Variants in EXOSC8 observed in about 807,000 individuals in gnomAD.
EXOSC8 encodes the protein exosome complex component RRP43.
A neutral mutation model predicts 39.9 loss-of-function variants in EXOSC8; 37 were observed. The ratio of observed to expected loss-of-function variants is 0.93; its 90% CI spans 0.71 to 1.22. The LOEUF (loss-of-function observed/expected upper bound fraction) is 1.22, where lower values mean the gene tolerates loss of function less well. Among genes scored for constraint, EXOSC8 ranks in the 50% most tolerant of loss-of-function variants. EXOSC8 has a pLI of 0.00. For synonymous variants in EXOSC8, 93 were observed against 109.5 expected, an observed-to-expected ratio of 0.85 and a Z score of 0.94; for missense variants, 313 against 326.6, an observed-to-expected ratio of 0.96 and a Z score of 0.32.
chr13:37,004,671 A>C, intron 5 of EXOSC8, 110 bp downstream of exon 5: 1 of 675,394 alleles, frequency 1.5e-6, no homozygotes, highest in Non-Finnish European at 2.5e-6. Context: ...TAATATTCGG[A>C]AATATTTATG....
chr13:37,002,363 G>C, intron 2 of EXOSC8, 54 bp downstream of exon 2: 1 of 1,489,186 alleles, frequency 6.7e-7, no homozygotes, highest in South Asian at 1.2e-5. Flanking sequence ...TGCTTTTAAA[G>C]ATGAATTTCA....
At chr13:37,003,031 A>G (rs1371070690) in intron 4 of EXOSC8, 24 bp downstream of exon 4, 15 of 1,361,192 alleles carry the variant, frequency 1.1e-5, no homozygotes, top group Admixed American at 1.7e-5. Flanking sequence ...TGTCCTATTG[A>G]GATTTGAGTT....
At chr13:37,005,862 C>CAAA (rs59234766) in intron 5 of EXOSC8, 58 bp from the exon 6 acceptor site, 4,892 of 293,350 alleles carry the variant, frequency 0.017, 5 homozygotes, top group South Asian at 0.022. Flanking sequence ...GACTCCATCT[C>CAAA]AAAAAAAAAA....
chr13:37,006,207 T>G, intron 7 of EXOSC8, 47 bp downstream of exon 7: 1 of 968,500 alleles, frequency 1.0e-6, no homozygotes, highest in Non-Finnish European at 1.5e-6. Context: ...TCTGAAGGGA[T>G]TTTTTTTTTG....
intron 9 of EXOSC8, 141 bp from the exon 10 acceptor site, chr13:37,008,588 C>G: frequency 3.3e-6 from 2 of 605,958 alleles, no homozygotes; most frequent in South Asian, 4.0e-5. Flanking sequence ...AACCCTGTCT[C>G]TACTAAAAAC....
At chr13:37,007,165 C>G in intron 8 of EXOSC8, 94 bp downstream of exon 8, 1 of 782,998 alleles carries the variant, frequency 1.3e-6, no homozygotes, top group Non-Finnish European at 2.3e-6. Context: ...CGTATGCTTC[C>G]AAATTAATGA....
chr13:37,009,441 A>T lies in EXOSC8; in HGVS notation c.*142A>T. ...TTCTTAGGTCACTTCCATATATATT[A>T]TGTATAGTGAAACCATTTTTAAAAA... On this transcript the variant is annotated 3_prime_UTR_variant, in exon 11 of 11. Coordinates refer to ENST00000389704, the MANE Select transcript of EXOSC8 (RefSeq NM_181503.3). 1 of 723,762 alleles carries T rather than the reference A, an allele frequency of 1.4e-6. No homozygotes were observed. Among genetic ancestry groups the T allele is most frequent in the South Asian group, 1.9e-5 (1 of 52,152 alleles). 44.8% of individuals were successfully genotyped at this position (723,762 alleles called of 1,614,324 possible). A position where few individuals can be genotyped will look rare whatever the true frequency, so the allele number is the denominator to read the frequency against.
Position 37,002,440 on chromosome 13 carries a change from A to C in EXOSC8, c.55-48A>C, listed in dbSNP as rs555869080. The C allele has an allele frequency of 7.3e-6, 10 of 1,361,476 alleles. No individual in the cohort carries two copies. In the South Asian group the frequency reaches 1.3e-4, roughly 17 times the overall value. 84.3% of individuals were successfully genotyped at this position (1,361,476 alleles called of 1,614,324 possible). On this transcript the variant is annotated intron_variant, in intron 2 of 10. Transcript: ENST00000389704. ...GTGTAAAACTTGTGATAGATGTGTA[A>C]AATATGTAATAGGTATAATCTATTT...
In EXOSC8 at chr13:37,003,007, A is replaced by C. The variant is rs1168300446; in HGVS notation, c.192A>C (p.Ala64=). 1 of 1,571,688 alleles carries C rather than the reference A, an allele frequency of 6.4e-7. No homozygotes were observed. Among genetic ancestry groups the C allele is most frequent in the East Asian group, 2.2e-5 (1 of 44,576 alleles). ...CTACAGTAATCTGTGGAGTTAAAGC[A>C]GTAAGTCTAAATATGTCCTATTGAG... is the stretch of plus-strand genomic sequence containing the variant. The part of the protein sequence containing the change: ...GNTTVICGVK[A]EFAAPSTDAP... Residue 64 remains alanine, a splice_region_variant and synonymous_variant, in exon 4 of 11, where the codon GCA becomes GCC. Transcript: ENST00000389704.
intron 3 of EXOSC8, 23 bp downstream of exon 3, chr13:37,002,574 C>T: frequency 6.6e-7 from 1 of 1,504,726 alleles, no homozygotes; most frequent in Non-Finnish European, 9.1e-7. Context: ...TTTCCACTTT[C>T]AACTGTATGA....
At chr13:37,001,009 A>C (rs1452244935) in intron 1 of EXOSC8, among the ~76,000 whole-genome samples, 187 bp downstream of exon 1, 1 of 152,220 alleles carries the variant, frequency 6.6e-6, no homozygotes, top group Non-Finnish European at 1.5e-5. Flanking sequence ...CTTCTTCCTC[A>C]GTGAGACGGG....
At chr13:37,003,092 C>T in intron 4 of EXOSC8, 85 bp downstream of exon 4, 1 of 817,938 alleles carries the variant, frequency 1.2e-6, no homozygotes, top group South Asian at 1.5e-5. Flanking sequence ...TAATTCTACT[C>T]TTGATTTGGT....
intron 1 of EXOSC8, among the ~76,000 whole-genome samples, chr13:37,001,244 A>G (rs2059101810): frequency 6.6e-6 from 1 of 152,128 alleles, no homozygotes; most frequent in Admixed American, 6.5e-5. Flanking sequence ...CACTGTCTCT[A>G]ATAAAAATAT....
chr13:37,008,743 T>G lies in EXOSC8; in HGVS notation c.623T>G (p.Val208Gly). Residue 208 changes from valine to glycine, a missense_variant, in exon 10 of 11, where the codon GTT becomes GGT. By Grantham distance (109) the Val-to-Gly change is moderately radical. Coordinates refer to ENST00000389704, the MANE Select transcript of EXOSC8 (RefSeq NM_181503.3). ...TCTTTTTATAGCACTTTGCTTATAGTTGACCCTACTGGAGAGGAGGAACAT... is the reference window on the plus strand; with the variant it reads ...TCTTTTTATAGCACTTTGCTTATAGGTGACCCTACTGGAGAGGAGGAACAT... ...FAVFDDTLLIVDPTGEEEHLA... is the reference protein window; with the variant it reads ...FAVFDDTLLIGDPTGEEEHLA... 2 of 1,609,354 alleles carry G rather than the reference T, an allele frequency of 1.2e-6. No individual in the cohort carries two copies. Among genetic ancestry groups the G allele is most frequent in the Non-Finnish European group, 1.7e-6 (2 of 1,175,954 alleles).
chr13:37,003,618 T>G (rs1436105692), intron 4 of EXOSC8: 1 of 146,620 alleles, frequency 6.8e-6, no homozygotes, highest in Non-Finnish European at 1.5e-5. Context: ...TCAGTTGAGA[T>G]TCTTCTTTCG....
At chr13:37,002,668 CAA>C (rs1860837751) in intron 3 of EXOSC8, 117 bp downstream of exon 3, 3 of 772,566 alleles carry the variant, frequency 3.9e-6, no homozygotes, top group Non-Finnish European at 6.3e-6. Context: ...TTTTTTTTGT[CAA>C]GAGATTTTTA....
rs1233481288 is a variant in EXOSC8, at chr13:37,008,844, C to T, written c.715+9C>T. 4 of 1,547,414 alleles carry T rather than the reference C, an allele frequency of 2.6e-6. No individual in the cohort carries two copies. In the South Asian group the frequency reaches 4.5e-5, roughly 17 times the overall value. On this transcript the variant is annotated intron_variant, in intron 10 of 10. Coordinates refer to ENST00000389704, the MANE Select transcript of EXOSC8 (RefSeq NM_181503.3). Reference sequence around the variant, plus strand: ...TTGTCTTCACAAACCAGGCATGTTCCCGCCACTTCAGTCCTAAACATATGT... The same window carrying T: ...TTGTCTTCACAAACCAGGCATGTTCTCGCCACTTCAGTCCTAAACATATGT...
rs1163860931 is a variant in EXOSC8 at position 37,006,223 on chromosome 13, GA to G, written c.390+66del. On this transcript the variant is annotated intron_variant, in intron 7 of 10. Coordinates refer to ENST00000389704, the MANE Select transcript of EXOSC8 (RefSeq NM_181503.3). ...CTGAAGGGATTTTTTTTTTGTGGGGGAAAGTGAACAAGGAAATTAAAACCAC... is the reference window on the plus strand; with the variant it reads ...CTGAAGGGATTTTTTTTTTGTGGGGGAAGTGAACAAGGAAATTAAAACCAC... 25 of 1,113,978 alleles carry G rather than the reference GA, an allele frequency of 2.2e-5. No homozygotes were observed. In the Admixed American group the frequency reaches 5.1e-4, roughly 23 times the overall value. 69.0% of individuals were successfully genotyped at this position (1,113,978 alleles called of 1,614,324 possible).
intron 9 of EXOSC8, 150 bp downstream of exon 9, chr13:37,008,327 T>C: frequency 1.5e-6 from 1 of 683,622 alleles, no homozygotes; most frequent in Non-Finnish European, 2.6e-6. Context: ...TGCACAATTA[T>C]TTCTAGTCAC....
Sources: gnomAD v4.1 joint callset for allele counts (sites outside exome capture counted in the v4.1 genomes callset) on GRCh38, gnomAD v4.1.1 for gene constraint, MANE v1.5 for transcripts, NCBI Gene and HGNC (gene_info 2026-07-23, HGNC 2026-07-21) for gene names.